SLC26A8: variants seen among roughly 807,000 people sequenced by gnomAD.
SLC26A8 encodes the protein testis anion transporter 1.
A neutral mutation model predicts 105.0 loss-of-function variants in SLC26A8; 70 were observed. The observed-to-expected ratio is 0.67, with a 90% CI of 0.55 to 0.81. The LOEUF (loss-of-function observed/expected upper bound fraction) is 0.81, where lower values mean the gene tolerates loss of function less well. SLC26A8 is among the 40% of genes least tolerant of loss of function. The pLI, the probability that SLC26A8 is intolerant of heterozygous loss-of-function variation, is 0.00. For synonymous variants in SLC26A8, 415 were observed against 438.3 expected, an observed-to-expected ratio of 0.95 and a Z score of 0.66; for missense variants, 998 against 1,181.8, an observed-to-expected ratio of 0.84 and a Z score of 2.28.
intron 11 of SLC26A8, among the ~76,000 whole-genome samples, chr6:35,965,846 C>T: frequency 6.6e-6 from 1 of 151,458 alleles, no homozygotes; most frequent in East Asian, 1.9e-4. Flanking sequence ...CAAAAATTAG[C>T]CAGGCGTGGT....
At chr6:36,018,791 T>C (rs1762056969) in intron 2 of SLC26A8, among the ~76,000 whole-genome samples, 1 of 152,244 alleles carries the variant, frequency 6.6e-6, no homozygotes, top group African/African-American at 2.4e-5. Context: ...AGGACCTAGC[T>C]AGTCACAGCG....
In SLC26A8 at chr6:36,019,520, C is replaced by T. The variant is rs769836507; in HGVS notation, c.188G>A (p.Arg63His). The change falls in exon 2 of 20, where the codon CGC (arginine) becomes CAC (histidine). Residue 63 changes from arginine to histidine, a missense_variant and splice_region_variant. Physicochemically the swap from Arg to His is conservative, Grantham distance 29 (BLOSUM62 0). Coordinates refer to ENST00000490799, the MANE Select transcript of SLC26A8 (RefSeq NM_052961.4). ...ITTFRHHVQC[R>H]CSWHRFLRCV... is the part of the protein sequence containing the mutation. Reference sequence around the variant, plus strand: ...CAGGTGAAAGATTGGACACACGCACCGGCACTGGACGTGGTGTCTGAAGGT... The same window carrying T: ...CAGGTGAAAGATTGGACACACGCACTGGCACTGGACGTGGTGTCTGAAGGT... The T allele has an allele frequency of 1.4e-5, 22 of 1,611,724 alleles. No homozygotes were observed. The highest frequency in any genetic ancestry group is 5.3e-5 in the African/African-American group (4 of 74,848).
At chr6:35,977,084 A>G in intron 9 of SLC26A8, 120 bp downstream of exon 9, 1 of 1,101,078 alleles carries the variant, frequency 9.1e-7, no homozygotes, top group Non-Finnish European at 1.3e-6. Flanking sequence ...CTTTGTGATT[A>G]CTGTCCAAAC....
chr6:35,955,655 G>T, intron 16 of SLC26A8, 135 bp from the exon 17 acceptor site: 1 of 1,161,806 alleles, frequency 8.6e-7, no homozygotes, highest in Non-Finnish European at 1.2e-6. Flanking sequence ...TAGGTACTGT[G>T]CATTTTTTAC....
chr6:35,959,174 C>T (rs1772210465), intron 16 of SLC26A8, among the ~76,000 whole-genome samples: 1 of 152,194 alleles, frequency 6.6e-6, no homozygotes, highest in Admixed American at 6.5e-5. Context: ...GAATTACAGT[C>T]TCAACAGGCA....
At chr6:35,998,359 G>A (rs1272578216) in intron 4 of SLC26A8, among the ~76,000 whole-genome samples, 4 of 151,828 alleles carry the variant, frequency 2.6e-5, no homozygotes, top group Non-Finnish European at 5.9e-5. Flanking sequence ...AGTTTGAGAC[G>A]AGCCTGACCA....
intron 8 of SLC26A8, among the ~76,000 whole-genome samples, chr6:35,979,798 A>G (rs1359498077): frequency 6.6e-6 from 1 of 152,228 alleles, no homozygotes; most frequent in Non-Finnish European, 1.5e-5. Flanking sequence ...TGGACACAGC[A>G]GGAGCTAACT....
intron 7 of SLC26A8, among the ~76,000 whole-genome samples, chr6:35,983,902 C>T (rs1773382260): frequency 2.0e-5 from 3 of 152,124 alleles, no homozygotes; most frequent in African/African-American, 7.2e-5. Flanking sequence ...CAGTTTCCTC[C>T]AGCACATCTA....
At chr6:35,984,811 G>T (rs1773426744) in intron 7 of SLC26A8, among the ~76,000 whole-genome samples, 1 of 152,118 alleles carries the variant, frequency 6.6e-6, no homozygotes, top group Admixed American at 6.6e-5. Flanking sequence ...CCATCTCTTG[G>T]CCAAGGGAAT....
chr6:36,024,106 C>T (rs1762197658), intron 1 of SLC26A8, among the ~76,000 whole-genome samples: 1 of 151,792 alleles, frequency 6.6e-6, no homozygotes, highest in Non-Finnish European at 1.5e-5. Context: ...TCACAGGGAA[C>T]AAAATTAACA....
At chr6:35,991,364 A>G (rs1225104066) in intron 7 of SLC26A8, among the ~76,000 whole-genome samples, 1 of 148,544 alleles carries the variant, frequency 6.7e-6, no homozygotes. Flanking sequence ...AGATTGCACC[A>G]CTGCACTCCA....
chr6:35,978,359 G>C (rs1383335542), intron 8 of SLC26A8, among the ~76,000 whole-genome samples: 4 of 152,052 alleles, frequency 2.6e-5, no homozygotes, highest in Non-Finnish European at 5.9e-5. Flanking sequence ...TTTGGGGAGA[G>C]TGGTGTTTTT....
At position 35,955,175 on chromosome 6, in the gene SLC26A8, G is replaced by T. The variant is rs371474067; in HGVS notation, c.2209C>A (p.Arg737=). 2 of 1,614,104 alleles carry T rather than the reference G, an allele frequency of 1.2e-6. No homozygotes were observed. The highest frequency in any genetic ancestry group is 1.7e-6 in the Non-Finnish European group (2 of 1,180,004). The change falls in exon 17 of 20, where the codon CGG becomes AGG. Residue 737 remains arginine (R), a synonymous_variant. Transcript: ENST00000490799. ...ACCTGTCTTAATACGACTAACCCCCGTGAATCCACGTAGTGTACCATGGAG... is the reference window on the plus strand; with the variant it reads ...ACCTGTCTTAATACGACTAACCCCCTTGAATCCACGTAGTGTACCATGGAG... The part of the protein sequence containing the change: ...DFSMVHYVDS[R]GLVVLRQICN...
intron 16 of SLC26A8, among the ~76,000 whole-genome samples, chr6:35,958,771 C>T (rs1185108982): frequency 6.6e-6 from 1 of 152,070 alleles, no homozygotes; most frequent in African/African-American, 2.4e-5. Flanking sequence ...GAGAGAGCTG[C>T]CCCTCCAGAG....
Position 35,975,970 on chromosome 6 carries a change from A to G in SLC26A8, c.1174-482T>C, listed in dbSNP as rs141901160. 4.1e-3 allele frequency among the ~76,000 whole-genome samples: 627 copies of G among 151,718 alleles called. 4 individuals carry two copies. The highest frequency in any genetic ancestry group is 0.014 in the African/African-American group (594 of 41,392). ...AAGGATGGCACATCTGATTTTCTTG[A>G]CTAAACCAAATCATCATTTTAGCTA... On this transcript the variant is annotated intron_variant, in intron 9 of 19. Transcript: ENST00000490799.
intron 3 of SLC26A8, among the ~76,000 whole-genome samples, chr6:36,003,040 A>G (rs1761570938): frequency 6.6e-6 from 1 of 152,102 alleles, no homozygotes; most frequent in South Asian, 2.1e-4. Flanking sequence ...AATAGATAGA[A>G]GTTCTTAAAT....
intron 3 of SLC26A8, among the ~76,000 whole-genome samples, chr6:36,009,138 G>A (rs918648021): frequency 6.6e-6 from 1 of 152,124 alleles, no homozygotes; most frequent in African/African-American, 2.4e-5. Flanking sequence ...GGTCACTTAA[G>A]GTCAGGAGTT....
intron 7 of SLC26A8, among the ~76,000 whole-genome samples, chr6:35,984,878 T>A (rs1273626481): frequency 6.6e-6 from 1 of 152,192 alleles, no homozygotes; most frequent in Non-Finnish European, 1.5e-5. Flanking sequence ...GGGTCAGACA[T>A]ACGTCATTAT....
At position 35,982,211 on chromosome 6, in the gene SLC26A8, G is replaced by A. The variant is rs756752303; in HGVS notation, c.943-8C>T. 5.0e-6 allele frequency: 8 copies of A among 1,613,246 alleles called. No homozygotes were observed. The highest frequency in any genetic ancestry group is 4.0e-5 in the African/African-American group (3 of 74,788). On this transcript the variant is annotated splice_polypyrimidine_tract_variant and splice_region_variant and intron_variant, in intron 7 of 19. Transcript: ENST00000490799. Reference sequence around the variant, plus strand: ...CACAGTGAAGCCAATAATCTGTAGGGGGTAAAAAAAGAAGGGATGGGGGCA... The same window carrying A: ...CACAGTGAAGCCAATAATCTGTAGGAGGTAAAAAAAGAAGGGATGGGGGCA...
Sources: allele counts gnomAD v4.1 joint callset (sites outside exome capture counted in the v4.1 genomes callset), GRCh38; gene constraint gnomAD v4.1.1; transcripts MANE v1.5; gene names NCBI Gene and HGNC (gene_info 2026-07-23, HGNC 2026-07-21).